Variants in NIBAN1 observed in about 807,000 individuals in gnomAD.
NIBAN1 encodes niban apoptosis regulator 1.
NIBAN1 carries 81 observed loss-of-function variants against 75.1 expected under a neutral mutation model. The observed-to-expected ratio is 1.08, with a 90% CI of 0.90 to 1.30. The LOEUF (loss-of-function observed/expected upper bound fraction) is 1.30, where lower values mean the gene tolerates loss of function less well. Ranked by LOEUF, NIBAN1 falls within the 50% of genes most tolerant of loss-of-function variation. NIBAN1 has a pLI of 0.00. For synonymous variants in NIBAN1, 436 were observed against 424.8 expected (o/e 1.03, Z -0.32); for missense variants, 1,133 against 1,128.1 (o/e 1.00, Z -0.06).
At position 184,803,568 on chromosome 1, in the gene NIBAN1, G is replaced by A. The variant is rs917991084; in HGVS notation, c.1554+17C>T. On this transcript the variant is annotated intron_variant, in intron 12 of 13. Coordinates refer to ENST00000367511, the MANE Select transcript of NIBAN1 (RefSeq NM_052966.4). ...AGGTAAGAAGAGCAAGCTCTTTAGG[G>A]TAACTCATCCCCTTACTGGTTTGCA... The A allele has an allele frequency of 8.1e-6, 13 of 1,603,600 alleles. No homozygotes were observed. The South Asian group carries it at 8.8e-5, about 11-fold the overall frequency.
At chr1:184,842,187 C>T (rs965048222) in intron 5 of NIBAN1, among the ~76,000 whole-genome samples, 16 of 152,180 alleles carry the variant, frequency 1.1e-4, no homozygotes, top group African/African-American at 3.6e-4. Flanking sequence ...CGATTGCCTT[C>T]CCTACTGTTG....
chr1:184,802,658 T>C (rs575394626), intron 12 of NIBAN1, among the ~76,000 whole-genome samples: 1 of 152,318 alleles, frequency 6.6e-6, no homozygotes, highest in South Asian at 2.1e-4. Context: ...ATGCAAAGGA[T>C]TTTAACGTTC....
intron 1 of NIBAN1, among the ~76,000 whole-genome samples, chr1:184,947,180 G>A (rs1405644574): frequency 6.6e-6 from 1 of 152,200 alleles, no homozygotes; most frequent in Admixed American, 6.5e-5. Flanking sequence ...AAGTATGACA[G>A]CTCTTGTACT....
Position 184,808,233 on chromosome 1 carries a change from A to C in NIBAN1, c.1176T>G (p.His392Gln), listed in dbSNP as rs1474606087. 6.2e-7 allele frequency: 1 copy of C among 1,613,410 alleles called. No homozygotes were observed. The highest frequency in any genetic ancestry group is 1.3e-5 in the African/African-American group (1 of 74,902). The change falls in exon 10 of 14, where the codon CAT becomes CAG. Residue 392 changes from histidine to glutamine, a missense_variant and splice_region_variant. Transcript: ENST00000367511. ...GCGGAAGATTCATAAGCCGGTCTAG[A>C]TGCTGCATTTTGGTGAAGGGAAACA... ...TTKDSVQLKE[H>Q]LDRLMNLPLH...
In NIBAN1 at chr1:184,808,157, C is replaced by A; in HGVS notation, c.1252G>T (p.Glu418Ter). 6.2e-7 allele frequency: 1 copy of A among 1,614,020 alleles called. No individual in the cohort carries two copies. Among genetic ancestry groups the A allele is most frequent in the South Asian group, 1.1e-5 (1 of 91,050 alleles). The change falls in exon 10 of 14, where the codon GAG becomes TAG. Residue 418 changes from glutamate (E) to a stop codon, truncating the protein, a stop_gained. Coordinates refer to ENST00000367511, the MANE Select transcript of NIBAN1 (RefSeq NM_052966.4). LOFTEE classifies it high-confidence loss of function. ...CGGCTCTTGAGATCCTGCAGGCGCT[C>A]GTGAAGCAGGTTGACTTTAGTATAA... ...PCYTKVNLLH[E>*]RLQDLKSRFR...
At chr1:184,949,510 C>T (rs569281893) in intron 1 of NIBAN1, among the ~76,000 whole-genome samples, 5 of 152,300 alleles carry the variant, frequency 3.3e-5, no homozygotes, top group Non-Finnish European at 4.4e-5. Context: ...TGTTATTATC[C>T]CATTTCACAT....
At chr1:184,945,106 C>G (rs181725628) in intron 1 of NIBAN1, among the ~76,000 whole-genome samples, 1 of 152,300 alleles carries the variant, frequency 6.6e-6, no homozygotes, top group Admixed American at 6.5e-5. Context: ...AGGCACGAAA[C>G]AGTTATGATG....
At chr1:184,807,155 G>T (rs1401131310) in intron 10 of NIBAN1, among the ~76,000 whole-genome samples, 1 of 152,142 alleles carries the variant, frequency 6.6e-6, no homozygotes, top group Non-Finnish European at 1.5e-5. Flanking sequence ...AGTGGGATCT[G>T]GTACAGTGTC....
chr1:184,884,155 G>A (rs1037148328), intron 5 of NIBAN1, among the ~76,000 whole-genome samples: 2 of 151,078 alleles, frequency 1.3e-5, no homozygotes, highest in East Asian at 3.9e-4. Context: ...GGCTCCTTGT[G>A]CACAGAACTC....
intron 9 of NIBAN1, 38 bp downstream of exon 9, chr1:184,818,600 A>G (rs756372271): frequency 1.1e-5 from 17 of 1,517,582 alleles, no homozygotes; most frequent in Non-Finnish European, 1.5e-5. Flanking sequence ...ACAGCCAGGC[A>G]GACCATTCAC....
chr1:184,946,555 G>A, intron 1 of NIBAN1, among the ~76,000 whole-genome samples: 1 of 152,176 alleles, frequency 6.6e-6, no homozygotes, highest in East Asian at 1.9e-4. Context: ...AAAGATTATG[G>A]AGTTGACAGT....
chr1:184,838,688 C>T (rs1655202544), intron 5 of NIBAN1, among the ~76,000 whole-genome samples: 3 of 152,074 alleles, frequency 2.0e-5, no homozygotes, highest in South Asian at 4.1e-4. Flanking sequence ...TTTTTTTCCA[C>T]TTATACAGAT....
chr1:184,862,804 A>C (rs986651260), intron 5 of NIBAN1, among the ~76,000 whole-genome samples: 1 of 151,570 alleles, frequency 6.6e-6, no homozygotes, highest in African/African-American at 2.4e-5. Flanking sequence ...TGATAATTGT[A>C]TAGCCAAGCT....
At chr1:184,822,415 T>C (rs1213735241) in intron 8 of NIBAN1, among the ~76,000 whole-genome samples, 1 of 152,254 alleles carries the variant, frequency 6.6e-6, no homozygotes, top group African/African-American at 2.4e-5. Context: ...AACTATTCAC[T>C]TCTGTTGTAG....
chr1:184,830,417 A>T (rs1049757066), intron 6 of NIBAN1, among the ~76,000 whole-genome samples: 5 of 152,206 alleles, frequency 3.3e-5, no homozygotes, highest in Non-Finnish European at 5.9e-5. Flanking sequence ...AAATATCAGA[A>T]ACCAAGACTT....
chr1:184,868,094 T>C, intron 5 of NIBAN1: 1 of 978,430 alleles, frequency 1.0e-6, no homozygotes, highest in Non-Finnish European at 1.2e-6. Context: ...TCTGGTAAGA[T>C]GTGAAAATGG....
At chr1:184,826,824 G>A (rs892685882) in intron 6 of NIBAN1, among the ~76,000 whole-genome samples, 2 of 152,034 alleles carry the variant, frequency 1.3e-5, no homozygotes, top group Non-Finnish European at 2.9e-5. Context: ...ATATGTCTGC[G>A]AGGAAAAAGA....
At chr1:184,858,586 C>T (rs1557889866) in intron 5 of NIBAN1, among the ~76,000 whole-genome samples, 1 of 152,074 alleles carries the variant, frequency 6.6e-6, no homozygotes, top group Non-Finnish European at 1.5e-5. Flanking sequence ...AAAAAGGGCA[C>T]TCTCATACAC....
At chr1:184,825,040 TA>T (rs1244276140) in intron 6 of NIBAN1, among the ~76,000 whole-genome samples, 1 of 152,212 alleles carries the variant, frequency 6.6e-6, no homozygotes, top group African/African-American at 2.4e-5. Flanking sequence ...ACCTGACACC[TA>T]AAATTAATTA....
Sources: gnomAD v4.1 joint callset for allele counts (sites outside exome capture counted in the v4.1 genomes callset) on GRCh38, gnomAD v4.1.1 for gene constraint, MANE v1.5 for transcripts, NCBI Gene and HGNC (gene_info 2026-07-23, HGNC 2026-07-21) for gene names.